The following C3AR1 variants were observed in gnomAD, a reference collection of about 807,000 sequenced individuals.
C3AR1 encodes C3a anaphylatoxin chemotactic receptor.
For synonymous variants in C3AR1, 208 were observed against 225.3 expected, an observed-to-expected ratio of 0.92 and a Z score of 0.69; for missense variants, 579 against 583.5, an observed-to-expected ratio of 0.99 and a Z score of 0.08.
At chr12:8,065,884 A>G (rs955789485) in intron 1 of C3AR1, among the ~76,000 whole-genome samples, 4 of 152,082 alleles carry the variant, frequency 2.6e-5, no homozygotes, top group East Asian at 1.9e-4. Flanking sequence ...TTGTAGTAAT[A>G]GGATAACAGA....
Position 8,059,102 on chromosome 12 carries a change from G to A in C3AR1, c.1084C>T (p.Arg362Ter), listed in dbSNP as rs374212827. ...TTGGCGAAGCGGCCCCTTTGCATTC[G>A]GAAGACAATGAAGCTGTAACAGGCT... Reference protein sequence around the residue: ...MIACYSFIVFRMQRGRFAKSQ... With the variant: ...MIACYSFIVF Residue 362 changes from arginine (R) to a stop codon, truncating the protein, a stop_gained, in exon 2 of 2, where the codon CGA (arginine) becomes TGA (stop). Transcript: ENST00000307637. LOFTEE classifies it low-confidence loss of function (END_TRUNC). 1.4e-5 allele frequency: 22 copies of A among 1,614,006 alleles called. No homozygotes were observed. In the African/African-American group the frequency reaches 1.6e-4, roughly 12 times the overall value.
In C3AR1 at chr12:8,062,065, G is replaced by A. The variant is rs183176572; in HGVS notation, c.-10-1870C>T. Among the ~76,000 whole-genome samples, 13 of 152,282 alleles carry A rather than the reference G, an allele frequency of 8.5e-5. No individual in the cohort carries two copies. The East Asian group carries it at 2.3e-3, about 27-fold the overall frequency. On this transcript the variant is annotated intron_variant, in intron 1 of 1. Transcript: ENST00000307637. ...TCTGGTGTATTTCACTTAGCATAAT[G>A]TCTTCAAGCTTCCTCCGCGTTGTGG...
chr12:8,058,750 C>T lies in C3AR1; in HGVS notation c.1436G>A (p.Ser479Asn), dbSNP rs928313217. Residue 479 changes from serine to asparagine, a missense_variant, in exon 2 of 2, where the codon AGT becomes AAT. Ser to Asn is a conservative substitution (Grantham distance 46). Transcript: ENST00000307637. ...TGCTCCACATTTTCACACAGTTGTACTATTTCTTTCTGAAATGACATTGTT... is the reference window on the plus strand; with the variant it reads ...TGCTCCACATTTTCACACAGTTGTATTATTTCTTTCTGAAATGACATTGTT... ...PSNNVISERN[S>N]TTV 1 of 1,610,904 alleles carries T rather than the reference C, an allele frequency of 6.2e-7. No individual in the cohort carries two copies. The highest frequency in any genetic ancestry group is 8.5e-7 in the Non-Finnish European group (1 of 1,178,198).
Position 8,060,029 on chromosome 12 carries a change from G to C in C3AR1, c.157C>G (p.Gln53Glu). 1 of 1,614,076 alleles carries C rather than the reference G, an allele frequency of 6.2e-7. No homozygotes were observed. The highest frequency in any genetic ancestry group is 1.7e-5 in the Admixed American group (1 of 60,014). ...LVLWVAGLKM[Q>E]RTVNTIWFLH... The stretch of plus-strand genomic sequence containing the variant: ...AACCAAATTGTGTTCACTGTCCGCT[G>C]CATCTTCAGGCCAGCCACCCACAGC... Residue 53 changes from glutamine to glutamate, a missense_variant, in exon 2 of 2, where the codon CAG becomes GAG. Gln to Glu is a conservative substitution (Grantham distance 29). Coordinates refer to ENST00000307637, the MANE Select transcript of C3AR1 (RefSeq NM_004054.4).
Position 8,060,080 on chromosome 12 carries a change from G to A in C3AR1, c.106C>T (p.Leu36=). 1 of 1,614,138 alleles carries A rather than the reference G, an allele frequency of 6.2e-7. No individual in the cohort carries two copies. The highest frequency in any genetic ancestry group is 8.5e-7 in the Non-Finnish European group (1 of 1,180,016). The change falls in exon 2 of 2, where the codon CTG becomes TTG. Residue 36 remains leucine (L), a synonymous_variant. Transcript: ENST00000307637. The part of the protein sequence containing the change: ...SMVILSLTFL[L]GLPGNGLVLW... ...ACCAGCCCATTGCCTGGCAATCCCAGTAAAAAAGTAAGGCTGAGAATGACC... is the reference window on the plus strand; with the variant it reads ...ACCAGCCCATTGCCTGGCAATCCCAATAAAAAAGTAAGGCTGAGAATGACC...
At chr12:8,064,202 C>T (rs770775774) in intron 1 of C3AR1, among the ~76,000 whole-genome samples, 111 of 152,254 alleles carry the variant, frequency 7.3e-4, no homozygotes, top group African/African-American at 2.4e-3. Context: ...AGGCCTCTTC[C>T]TTAATTCCCA....
chr12:8,058,869 C>G lies in C3AR1; in HGVS notation c.1317G>C (p.Gly439=). 3.1e-6 allele frequency: 5 copies of G among 1,614,154 alleles called. No individual in the cohort carries two copies. Among genetic ancestry groups the G allele is most frequent in the Non-Finnish European group, 4.2e-6 (5 of 1,180,026 alleles). ...GCCTTGCTTTCTTCCTAAAATCTTT[C>G]CCCAAGAGGGCATAAAGGAAGGGAT... is the stretch of plus-strand genomic sequence containing the variant. ...CFNPFLYALL[G]KDFRKKARQS... The change falls in exon 2 of 2, where the codon GGG becomes GGC. Residue 439 remains glycine, a synonymous_variant. Coordinates refer to ENST00000307637, the MANE Select transcript of C3AR1 (RefSeq NM_004054.4).
At chr12:8,065,945 T>A in intron 1 of C3AR1, among the ~76,000 whole-genome samples, 2 of 148,612 alleles carry the variant, frequency 1.3e-5, no homozygotes, top group Non-Finnish European at 1.5e-5. Flanking sequence ...AAAGAGGAAA[T>A]GGAAAGGGAA....
rs780837149 is a variant in C3AR1 at position 8,059,003 on chromosome 12, TGTG to T, written c.1180_1182del (p.His394del). 1.1e-4 allele frequency: 175 copies of T among 1,614,042 alleles called. No individual in the cohort carries two copies. Among genetic ancestry groups the T allele is most frequent in the Non-Finnish European group, 1.4e-4 (163 of 1,180,008 alleles). On this transcript the variant is annotated inframe_deletion, in exon 2 of 2. Coordinates refer to ENST00000307637, the MANE Select transcript of C3AR1 (RefSeq NM_004054.4). ...GTAAGCAATGACAGGACTCCAAAAA[TGTG>T]GTATGGAGTCCAGCAGACAAGAAAG... is the stretch of plus-strand genomic sequence containing the variant.
rs1460522740 is a variant in C3AR1 at position 8,060,023 on chromosome 12, T to C, written c.163A>G (p.Thr55Ala). 1 of 1,614,036 alleles carries C rather than the reference T, an allele frequency of 6.2e-7. No homozygotes were observed. The highest frequency in any genetic ancestry group is 1.7e-5 in the Admixed American group (1 of 60,004). ...TGGAGGAACCAAATTGTGTTCACTG[T>C]CCGCTGCATCTTCAGGCCAGCCACC... ...LWVAGLKMQR[T>A]VNTIWFLHLT... Residue 55 changes from threonine (T) to alanine (A), a missense_variant, in exon 2 of 2, where the codon ACA becomes GCA. Transcript: ENST00000307637.
rs1172324679 is a variant in C3AR1, at chr12:8,059,477, G to A, written c.709C>T (p.Pro237Ser). The change falls in exon 2 of 2, where the codon CCT becomes TCT. Residue 237 changes from proline (P) to serine (S), a missense_variant. Transcript: ENST00000307637. The stretch of plus-strand genomic sequence containing the variant: ...CCCCTAGGGAGTGAATCTGCAGAAG[G>A]TCTTTGAAATGTTTGAGGTTGGAAG... Reference protein sequence around the residue: ...TVFQPQTFQRPSADSLPRGSA... With the variant: ...TVFQPQTFQRSSADSLPRGSA... The A allele has an allele frequency of 6.2e-7, 1 of 1,614,158 alleles. No individual in the cohort carries two copies.
chr12:8,059,043 C>G lies in C3AR1; in HGVS notation c.1143G>C (p.Val381=), dbSNP rs1565635030. ...AGCAGACAAGAAAGACAGCCACCACCACCACGGCCACTCGAAAGGTTTTGC... is the reference window on the plus strand; with the variant it reads ...AGCAGACAAGAAAGACAGCCACCACGACCACGGCCACTCGAAAGGTTTTGC... ...SQSKTFRVAV[V]VVAVFLVCWT... The change falls in exon 2 of 2, where the codon GTG becomes GTC. Residue 381 remains valine (V), a synonymous_variant. Coordinates refer to ENST00000307637, the MANE Select transcript of C3AR1 (RefSeq NM_004054.4). The G allele has an allele frequency of 6.2e-7, 1 of 1,614,068 alleles. No homozygotes were observed. Among genetic ancestry groups the G allele is most frequent in the Non-Finnish European group, 8.5e-7 (1 of 1,180,038 alleles).
At chr12:8,061,454 T>A (rs972761760) in intron 1 of C3AR1, among the ~76,000 whole-genome samples, 5 of 151,206 alleles carry the variant, frequency 3.3e-5, no homozygotes, top group Non-Finnish European at 7.4e-5. Context: ...CATTTATTTA[T>A]TTATTATTAT....
intron 1 of C3AR1, among the ~76,000 whole-genome samples, chr12:8,062,658 TC>T (rs1459300239): frequency 2.6e-5 from 4 of 152,226 alleles, no homozygotes; most frequent in Admixed American, 6.5e-5. Context: ...TTTTCTTTTT[TC>T]TTGAGATGGA....
At chr12:8,061,184 T>C (rs942298904) in intron 1 of C3AR1, among the ~76,000 whole-genome samples, 4 of 152,336 alleles carry the variant, frequency 2.6e-5, no homozygotes, top group African/African-American at 9.6e-5. Context: ...TATTTATTTG[T>C]GTTTTATGAC....
At position 8,059,587 on chromosome 12, in the gene C3AR1, A is replaced by G. The variant is rs760298051; in HGVS notation, c.599T>C (p.Ile200Thr). Residue 200 changes from isoleucine (I) to threonine (T), a missense_variant, in exon 2 of 2, where the codon ATT becomes ACT. Ile to Thr is a moderately conservative substitution (Grantham distance 89). Transcript: ENST00000307637. Reference sequence around the variant, plus strand: ...ATTCATTTCTCCAGGCGGCTGAACAATGTTTTCAAGAGACCTGTTTTCTAG... The same window carrying G: ...ATTCATTTCTCCAGGCGGCTGAACAGTGTTTTCAAGAGACCTGTTTTCTAG... Reference protein sequence around the residue: ...DPLENRSLENIVQPPGEMNDR... With the variant: ...DPLENRSLENTVQPPGEMNDR... The G allele has an allele frequency of 8.1e-6, 13 of 1,614,030 alleles. No homozygotes were observed. Among genetic ancestry groups the G allele is most frequent in the Non-Finnish European group, 1.1e-5 (13 of 1,180,034 alleles).
chr12:8,065,946 G>A (rs1297927255), intron 1 of C3AR1, among the ~76,000 whole-genome samples: 1 of 151,760 alleles, frequency 6.6e-6, no homozygotes, highest in Non-Finnish European at 1.5e-5. Context: ...AAGAGGAAAT[G>A]GAAAGGGAAA....
rs192091452 is a variant in C3AR1, at chr12:8,063,199, G to A, written c.-10-3004C>T. Among the ~76,000 whole-genome samples the A allele has an allele frequency of 8.5e-3, 1,287 of 151,888 alleles. 66 individuals carry two copies. The highest frequency in any genetic ancestry group is 0.073 in the Admixed American group (1,116 of 15,254). ...TCTTGATTTCCTGACCTGGTGATCCGCCCGCCTCGGCCTCCCAAAGTCCCG... is the reference window on the plus strand; with the variant it reads ...TCTTGATTTCCTGACCTGGTGATCCACCCGCCTCGGCCTCCCAAAGTCCCG... On this transcript the variant is annotated intron_variant, in intron 1 of 1. Transcript: ENST00000307637.
Position 8,059,919 on chromosome 12 carries a change from G to A in C3AR1, c.267C>T (p.Pro89=), listed in dbSNP as rs1334801067. 1 of 1,614,164 alleles carries A rather than the reference G, an allele frequency of 6.2e-7. No homozygotes were observed. The highest frequency in any genetic ancestry group is 1.1e-5 in the South Asian group (1 of 91,066). ...LAHLALQGQW[P]YGRFLCKLIP... ...TGAGCTTGCATAGGAACCTGCCGTA[G>A]GGCCACTGTCCCTGGAGAGCCAAGT... Residue 89 remains proline, a synonymous_variant, in exon 2 of 2, where the codon CCC becomes CCT. Transcript: ENST00000307637.
Sources: allele counts gnomAD v4.1 joint callset (sites outside exome capture counted in the v4.1 genomes callset), GRCh38; gene constraint gnomAD v4.1.1; transcripts MANE v1.5; gene names NCBI Gene and HGNC (gene_info 2026-07-23, HGNC 2026-07-21).